The following PXK variants were observed in gnomAD, a reference collection of about 807,000 sequenced individuals.
The protein encoded by PXK is PX domain-containing protein kinase-like protein.
In PXK, 35 loss-of-function variants were observed where a neutral mutation model predicts 84.7. That is an observed-to-expected ratio of 0.41 (90% CI 0.32 to 0.55). The LOEUF is 0.55. PXK is among the 20% of genes least tolerant of loss of function. The pLI is 0.21. For synonymous variants in PXK, 253 were observed against 260.8 expected (o/e 0.97, Z 0.29); for missense variants, 634 against 699.7 (o/e 0.91, Z 1.06).
intron 13 of PXK, among the ~76,000 whole-genome samples, chr3:58,404,768 A>ATAC (rs1291908063): frequency 6.6e-6 from 1 of 152,212 alleles, no homozygotes; most frequent in African/African-American, 2.4e-5. Flanking sequence ...AGAACATGTA[A>ATAC]TACTATTAGG....
rs377035997 is a variant in PXK at position 58,425,778 on chromosome 3, T to C, written c.*818T>C. The C allele has an allele frequency of 6.6e-5, 10 of 152,364 alleles. No homozygotes were observed. Among genetic ancestry groups the C allele is most frequent in the African/African-American group, 2.4e-4 (10 of 41,586 alleles). The allele number at this position is 152,364 out of a possible 1,614,324, so 9.4% of individuals were successfully genotyped here. ...GCATCTATAGAAATCAATTATGATT[T>C]TTGAAAGATTTATCTAAATATATCA... On this transcript the variant is annotated 3_prime_UTR_variant, in exon 18 of 18. Transcript: ENST00000356151.
intron 4 of PXK, among the ~76,000 whole-genome samples, chr3:58,388,436 T>A (rs546466391): frequency 2.6e-5 from 4 of 152,364 alleles, no homozygotes; most frequent in South Asian, 4.1e-4. Flanking sequence ...CTTCTCAAAG[T>A]TGATATGAAT....
intron 1 of PXK, among the ~76,000 whole-genome samples, chr3:58,347,465 G>A (rs868062579): frequency 3.3e-5 from 5 of 152,288 alleles, no homozygotes; most frequent in Non-Finnish European, 5.9e-5. Flanking sequence ...TTAATAGAAT[G>A]TCATCTATAA....
intron 1 of PXK, among the ~76,000 whole-genome samples, chr3:58,335,584 G>A (rs1300011823): frequency 2.1e-5 from 3 of 139,626 alleles, no homozygotes; most frequent in Non-Finnish European, 4.4e-5. Context: ...CTTGGTAGCT[G>A]AAGGGAGATG....
chr3:58,345,320 G>A (rs2097795769), intron 1 of PXK, among the ~76,000 whole-genome samples: 1 of 151,920 alleles, frequency 6.6e-6, no homozygotes, highest in Non-Finnish European at 1.5e-5. Context: ...ATAGTAATAG[G>A]GAATGGTACA....
At chr3:58,347,185 C>T (rs4681681) in intron 1 of PXK, among the ~76,000 whole-genome samples, 59,765 of 151,950 alleles carry the variant, frequency 0.39, 13,918 homozygotes, top group African/African-American at 0.66. Context: ...GTTGTCCCGG[C>T]TGGTCTCGAA....
chr3:58,343,038 T>C (rs1359465244), intron 1 of PXK, among the ~76,000 whole-genome samples: 1 of 152,224 alleles, frequency 6.6e-6, no homozygotes, highest in Non-Finnish European at 1.5e-5. Flanking sequence ...TTTCTCCTCA[T>C]TAATTCAGTT....
intron 1 of PXK, among the ~76,000 whole-genome samples, chr3:58,335,786 T>A (rs114294338): frequency 0.017 from 2,601 of 152,110 alleles, 74 homozygotes; most frequent in African/African-American, 0.059. Context: ...TAAACCTTTT[T>A]GAAGTTTAGT....
intron 4 of PXK, among the ~76,000 whole-genome samples, chr3:58,384,239 C>G (rs2098531751): frequency 6.6e-6 from 1 of 152,190 alleles, no homozygotes; most frequent in Admixed American, 6.5e-5. Flanking sequence ...CAGTCCTCAT[C>G]CCAGACTTCC....
intron 1 of PXK, among the ~76,000 whole-genome samples, chr3:58,344,701 A>C (rs1236618838): frequency 1.3e-5 from 2 of 152,188 alleles, no homozygotes; most frequent in Non-Finnish European, 2.9e-5. Context: ...GGTGGTGGGC[A>C]CCTGTAATCC....
intron 1 of PXK, among the ~76,000 whole-genome samples, chr3:58,361,455 T>G (rs1416283967): frequency 6.6e-6 from 1 of 152,110 alleles, no homozygotes; most frequent in Admixed American, 6.6e-5. Flanking sequence ...TTGCGAGCAT[T>G]CCTCACTTTG....
At chr3:58,415,573 T>C (rs118138192) in intron 17 of PXK, among the ~76,000 whole-genome samples, 1 of 152,242 alleles carries the variant, frequency 6.6e-6, no homozygotes, top group African/African-American at 2.4e-5. Context: ...AACCCTGCCC[T>C]CTTGGGCCTT....
intron 9 of PXK, among the ~76,000 whole-genome samples, chr3:58,396,424 G>C (rs562618363): frequency 6.6e-6 from 1 of 152,212 alleles, no homozygotes; most frequent in South Asian, 2.1e-4. Flanking sequence ...GAATTGCTCT[G>C]GGCACCCCAC....
At chr3:58,420,429 T>G (rs776966909) in intron 17 of PXK, 12 of 1,359,198 alleles carry the variant, frequency 8.8e-6, no homozygotes, top group Non-Finnish European at 1.1e-5. Context: ...AATCAGCTTG[T>G]GATTCAGACT....
In PXK at chr3:58,401,694, A is replaced by G. The variant is rs573003290; in HGVS notation, c.1182-2168A>G. ...GTAATCCCAGCACTTTAGGAGGCCA[A>G]GGCAGGTGGATCACAAGGTCAGGAG... is the stretch of plus-strand genomic sequence containing the variant. On this transcript the variant is annotated intron_variant, in intron 12 of 17. Coordinates refer to ENST00000356151, the MANE Select transcript of PXK (RefSeq NM_017771.5). This position sits in a 1 kb window ranked among gnomAD's most constrained non-coding sequence, Gnocchi z 4.4. 1.6e-4 allele frequency among the ~76,000 whole-genome samples: 25 copies of G among 152,098 alleles called. No homozygotes were observed. Among genetic ancestry groups the G allele is most frequent in the African/African-American group, 5.8e-4 (24 of 41,500 alleles).
chr3:58,346,796 C>T (rs1395947214), intron 1 of PXK, among the ~76,000 whole-genome samples: 1 of 148,546 alleles, frequency 6.7e-6, no homozygotes, highest in East Asian at 2.0e-4. Context: ...TAACTAGGAC[C>T]ACAGCCTCAT....
intron 1 of PXK, among the ~76,000 whole-genome samples, chr3:58,356,678 A>C (rs2098086931): frequency 6.6e-6 from 1 of 151,288 alleles, no homozygotes; most frequent in South Asian, 2.1e-4. Flanking sequence ...ATCTCGGCTC[A>C]CCACAACCTC....
rs2097542757 is a variant in PXK at position 58,333,906 on chromosome 3, A to T, written c.102+816A>T. ...TTTTTTTTTGAAAGGCCCACTATGC[A>T]TTATAATTTCCAAGCAATAAATCTA... On this transcript the variant is annotated intron_variant, in intron 1 of 17. Transcript: ENST00000356151. This position sits in a 1 kb window ranked among gnomAD's most constrained non-coding sequence, Gnocchi z 5.4. Among the ~76,000 whole-genome samples, 2 of 150,232 alleles carry T rather than the reference A, an allele frequency of 1.3e-5. No homozygotes were observed. Among genetic ancestry groups the T allele is most frequent in the African/African-American group, 2.4e-5 (1 of 40,822 alleles).
intron 4 of PXK, among the ~76,000 whole-genome samples, chr3:58,389,999 C>CAAAAAAAAAA (rs61380830): frequency 5.8e-5 from 3 of 51,610 alleles, no homozygotes; most frequent in Non-Finnish European, 6.4e-5. Flanking sequence ...AACTCCGTCT[C>CAAAAAAAAAA]AAAAAAAAAA....
Sources: allele counts gnomAD v4.1 joint callset (sites outside exome capture counted in the v4.1 genomes callset), GRCh38; gene constraint gnomAD v4.1.1; non-coding constraint Gnocchi (gnomAD v3.1); transcripts MANE v1.5; gene names NCBI Gene and HGNC (gene_info 2026-07-23, HGNC 2026-07-21).